The following SLC10A7 variants were observed in gnomAD, a reference collection of about 807,000 sequenced individuals.
SLC10A7 encodes sodium/bile acid cotransporter 7.
In SLC10A7, 29 loss-of-function variants were observed where a neutral mutation model predicts 43.2. The observed-to-expected ratio is 0.67, with a 90% confidence interval of 0.50 to 0.92. SLC10A7 has a LOEUF of 0.92. SLC10A7 is among the 40% of genes least tolerant of loss of function. The pLI, the probability that SLC10A7 is intolerant of heterozygous loss-of-function variation, is 0.00. For missense variants in SLC10A7, 295 were observed against 403.2 expected, an observed-to-expected ratio of 0.73 and a Z score of 2.30; for synonymous variants, 152 against 144.8, an observed-to-expected ratio of 1.05 and a Z score of -0.35.
chr4:146,472,068 T>C (rs1281661264), intron 4 of SLC10A7, among the ~76,000 whole-genome samples: 2 of 152,020 alleles, frequency 1.3e-5, no homozygotes, highest in Non-Finnish European at 2.9e-5. Context: ...ATACAAAATA[T>C]AAATCCTTCA....
chr4:146,478,537 A>G (rs2149980626), intron 4 of SLC10A7, among the ~76,000 whole-genome samples: 1 of 152,330 alleles, frequency 6.6e-6, no homozygotes, highest in South Asian at 2.1e-4. Flanking sequence ...AGTTGTGGGG[A>G]AAAATACAAA....
Position 146,424,541 on chromosome 4 carries a change from T to C in SLC10A7, c.435+18242A>G, listed in dbSNP as rs150287404. Among the ~76,000 whole-genome samples the C allele has an allele frequency of 4.6e-3, 699 of 151,932 alleles. 2 individuals are homozygous for C. The highest frequency in any genetic ancestry group is 0.016 in the African/African-American group (650 of 41,454). On this transcript the variant is annotated intron_variant, in intron 5 of 11. Coordinates refer to ENST00000335472, the MANE Select transcript of SLC10A7 (RefSeq NM_001029998.6). ...TGGGCGTGGTGGAGGCCACCTGTAA[T>C]CCCAGCTACTCAGGAGGCTGAGGTA...
intron 5 of SLC10A7, among the ~76,000 whole-genome samples, chr4:146,396,632 A>G (rs1189458572): frequency 6.6e-6 from 1 of 152,190 alleles, no homozygotes; most frequent in Non-Finnish European, 1.5e-5. Context: ...GGATACAAAT[A>G]CATGAAAAGG....
chr4:146,402,987 T>C (rs1012866102), intron 5 of SLC10A7, among the ~76,000 whole-genome samples: 1 of 152,174 alleles, frequency 6.6e-6, no homozygotes, highest in African/African-American at 2.4e-5. Context: ...CTAACTTTTC[T>C]GTGCCTTTTC....
chr4:146,519,111 AT>A (rs58635593), intron 1 of SLC10A7, among the ~76,000 whole-genome samples: 1,272 of 22,174 alleles, frequency 0.057, 155 homozygotes, highest in East Asian at 0.21. Context: ...ATATATATAT[AT>A]AATATAATAT....
chr4:146,278,211 G>T (rs1729330269), intron 10 of SLC10A7, among the ~76,000 whole-genome samples: 1 of 152,044 alleles, frequency 6.6e-6, no homozygotes, highest in South Asian at 2.1e-4. Context: ...GCACAATAAG[G>T]CAACAATTAC....
At chr4:146,438,352 G>C (rs1730352626) in intron 5 of SLC10A7, among the ~76,000 whole-genome samples, 1 of 152,016 alleles carries the variant, frequency 6.6e-6, no homozygotes, top group Admixed American at 6.6e-5. Flanking sequence ...AAAATTATGT[G>C]AAAGAAACTC....
intron 10 of SLC10A7, among the ~76,000 whole-genome samples, chr4:146,263,276 A>G (rs1463685705): frequency 7.9e-5 from 12 of 152,134 alleles, no homozygotes; most frequent in Admixed American, 7.9e-4. Flanking sequence ...CACCTTCGCT[A>G]CCCTTATTAT....
chr4:146,294,943 G>C (rs950133281), intron 7 of SLC10A7, among the ~76,000 whole-genome samples: 3 of 152,080 alleles, frequency 2.0e-5, no homozygotes, highest in African/African-American at 7.2e-5. Context: ...CGATAGCTGA[G>C]ACATATTAAG....
intron 10 of SLC10A7, among the ~76,000 whole-genome samples, chr4:146,276,829 C>T (rs778730824): frequency 6.6e-6 from 1 of 152,092 alleles, no homozygotes; most frequent in African/African-American, 2.4e-5. Flanking sequence ...TGGCTCAGGC[C>T]TGTAGCCCCA....
At chr4:146,376,498 C>A (rs924512170) in intron 5 of SLC10A7, among the ~76,000 whole-genome samples, 4 of 152,062 alleles carry the variant, frequency 2.6e-5, no homozygotes, top group African/African-American at 7.2e-5. Flanking sequence ...AGGAGCAGAG[C>A]AGCATGGTAA....
At chr4:146,361,617 G>T (rs890130913) in intron 5 of SLC10A7, among the ~76,000 whole-genome samples, 1 of 152,140 alleles carries the variant, frequency 6.6e-6, no homozygotes, top group Admixed American at 6.5e-5. Context: ...AGAAGGATGA[G>T]TACAAACAGG....
At chr4:146,287,867 C>G (rs1400480928) in intron 9 of SLC10A7, among the ~76,000 whole-genome samples, 1 of 152,108 alleles carries the variant, frequency 6.6e-6, no homozygotes, top group Non-Finnish European at 1.5e-5. Flanking sequence ...AAACTGTGTT[C>G]GGCTTGATAT....
At chr4:146,356,044 A>AT (rs1560829810) in intron 5 of SLC10A7, among the ~76,000 whole-genome samples, 184 of 115,558 alleles carry the variant, frequency 1.6e-3, no homozygotes, top group African/African-American at 5.4e-3. Flanking sequence ...TATAATAAAA[A>AT]AAAAAAAATA....
At chr4:146,396,406 T>C (rs1023838708) in intron 5 of SLC10A7, among the ~76,000 whole-genome samples, 4 of 152,114 alleles carry the variant, frequency 2.6e-5, no homozygotes, top group African/African-American at 9.7e-5. Flanking sequence ...AATTATTTTT[T>C]ACATTATGGT....
intron 5 of SLC10A7, among the ~76,000 whole-genome samples, chr4:146,338,329 T>A (rs1219522557): frequency 6.6e-6 from 1 of 151,982 alleles, no homozygotes; most frequent in East Asian, 1.9e-4. Context: ...CTAACTCATT[T>A]GGTCCTCACA....
At chr4:146,357,886 C>T (rs932968488) in intron 5 of SLC10A7, among the ~76,000 whole-genome samples, 15 of 152,094 alleles carry the variant, frequency 9.9e-5, no homozygotes, top group African/African-American at 3.1e-4. Flanking sequence ...AGTTTTCCTA[C>T]AGGTCAAGTA....
intron 6 of SLC10A7, among the ~76,000 whole-genome samples, chr4:146,314,768 A>G (rs1347691377): frequency 6.6e-6 from 1 of 152,116 alleles, no homozygotes; most frequent in Non-Finnish European, 1.5e-5. Context: ...AGAGAGGAGA[A>G]GTGTGGCTTT....
chr4:146,365,165 TAC>T (rs1560838046), intron 5 of SLC10A7, among the ~76,000 whole-genome samples: 2 of 152,094 alleles, frequency 1.3e-5, no homozygotes, highest in Non-Finnish European at 2.9e-5. Flanking sequence ...GTATAGAAAA[TAC>T]AGAGTTGTAC....
Sources: allele counts gnomAD v4.1 joint callset (sites outside exome capture counted in the v4.1 genomes callset), GRCh38; gene constraint gnomAD v4.1.1; transcripts MANE v1.5; gene names NCBI Gene and HGNC (gene_info 2026-07-23, HGNC 2026-07-21).